The following ANKRD33B variants were observed in gnomAD, a reference collection of about 807,000 sequenced individuals.
ANKRD33B encodes the protein ankyrin repeat domain 33B, also known as ankyrin repeat domain-containing protein 33B.
ANKRD33B carries 6 observed loss-of-function variants against 21.5 expected under a neutral mutation model. The observed-to-expected ratio is 0.28, with a 90% CI of 0.15 to 0.55. The LOEUF (loss-of-function observed/expected upper bound fraction) is 0.55, where lower values mean the gene tolerates loss of function less well. Ranked by LOEUF, ANKRD33B falls within the 20% of genes least tolerant of loss-of-function variation. ANKRD33B has a pLI of 0.94. For missense variants in ANKRD33B, 698 were observed against 747.2 expected (o/e 0.93, Z 0.77); for synonymous variants, 347 against 342.4 (o/e 1.01, Z -0.15).
At chr5:10,579,047 C>G (rs543177070) in intron 1 of ANKRD33B, among the ~76,000 whole-genome samples, 1 of 151,882 alleles carries the variant, frequency 6.6e-6, no homozygotes, top group Non-Finnish European at 1.5e-5. Flanking sequence ...ACCTGTAATC[C>G]CAACCACACA....
At chr5:10,565,923 G>T (rs1418414185) in intron 1 of ANKRD33B, among the ~76,000 whole-genome samples, 1 of 152,192 alleles carries the variant, frequency 6.6e-6, no homozygotes, top group African/African-American at 2.4e-5. Flanking sequence ...TTGGGGACCC[G>T]GGTGACCTTG....
chr5:10,598,896 A>G (rs997755814), intron 1 of ANKRD33B, among the ~76,000 whole-genome samples: 4 of 152,230 alleles, frequency 2.6e-5, no homozygotes, highest in African/African-American at 9.6e-5. Flanking sequence ...TAAAGAAAAA[A>G]TAAAAAAATA....
At chr5:10,582,393 C>T (rs191665440) in intron 1 of ANKRD33B, among the ~76,000 whole-genome samples, 46 of 152,182 alleles carry the variant, frequency 3.0e-4, no homozygotes, top group African/African-American at 9.9e-4. Flanking sequence ...ATTTCCCAAG[C>T]GGGGGGGATG....
rs1008339241 is a variant in ANKRD33B, at chr5:10,576,621, A to G, written c.366+11788A>G. The stretch of plus-strand genomic sequence containing the variant: ...TCTAGGCAGAACTAACGAGTAAGTT[A>G]CAGAGAATGTGCTTGTGCTGTAATA... On this transcript the variant is annotated intron_variant, in intron 1 of 3. Coordinates refer to ENST00000296657, the MANE Select transcript of ANKRD33B (RefSeq NM_001164440.2). This position sits in a 1 kb window ranked among gnomAD's most constrained non-coding sequence, Gnocchi z 4.1. 6.6e-6 allele frequency among the ~76,000 whole-genome samples: 1 copy of G among 152,234 alleles called. No homozygotes were observed. The highest frequency in any genetic ancestry group is 2.4e-5 in the African/African-American group (1 of 41,462).
At chr5:10,628,440 C>G (rs530202516) in intron 2 of ANKRD33B, among the ~76,000 whole-genome samples, 7 of 152,136 alleles carry the variant, frequency 4.6e-5, no homozygotes. Context: ...CTTCGGCCTC[C>G]CAAAGTGCTG....
intron 3 of ANKRD33B, among the ~76,000 whole-genome samples, chr5:10,644,789 C>G (rs1737153071): frequency 6.6e-6 from 1 of 152,192 alleles, no homozygotes; most frequent in African/African-American, 2.4e-5. Flanking sequence ...GATGAAAAGT[C>G]AAGCATTCTG....
At chr5:10,605,280 C>T (rs1166218193) in intron 1 of ANKRD33B, among the ~76,000 whole-genome samples, 1 of 152,138 alleles carries the variant, frequency 6.6e-6, no homozygotes, top group Non-Finnish European at 1.5e-5. Context: ...TGGGGCCAGC[C>T]CTGATGCAGC....
intron 1 of ANKRD33B, among the ~76,000 whole-genome samples, chr5:10,604,659 C>T (rs1736005295): frequency 6.6e-6 from 1 of 151,854 alleles, no homozygotes; most frequent in Non-Finnish European, 1.5e-5. Flanking sequence ...TAGTAGATCT[C>T]AATGGCTAAT....
intron 1 of ANKRD33B, among the ~76,000 whole-genome samples, chr5:10,568,229 C>G (rs1483035573): frequency 6.6e-6 from 1 of 152,180 alleles, no homozygotes; most frequent in Non-Finnish European, 1.5e-5. Flanking sequence ...GATAATTGCC[C>G]AATAACATTC....
Position 10,655,832 on chromosome 5 carries a change from T to G in ANKRD33B, c.*5719T>G, listed in dbSNP as rs1269487966. 1.3e-5 allele frequency: 2 copies of G among 152,374 alleles called. No individual in the cohort carries two copies. Among genetic ancestry groups the G allele is most frequent in the Non-Finnish European group, 2.9e-5 (2 of 68,092 alleles). The allele number at this position is 152,374 out of a possible 1,614,324, so 9.4% of individuals were successfully genotyped here. A position where few individuals can be genotyped will look rare whatever the true frequency, so the allele number is the denominator to read the frequency against. On this transcript the variant is annotated 3_prime_UTR_variant, in exon 4 of 4. Coordinates refer to ENST00000296657, the MANE Select transcript of ANKRD33B (RefSeq NM_001164440.2). ...TTTGGAAACACCTGGGGGCCCTGTT[T>G]CTTCCAGCCTGGTCCTTGGTTTCTA...
At chr5:10,621,241 T>C (rs889846708) in intron 2 of ANKRD33B, among the ~76,000 whole-genome samples, 1 of 152,240 alleles carries the variant, frequency 6.6e-6, no homozygotes, top group African/African-American at 2.4e-5. Context: ...ACCAGCTGTA[T>C]CTTCAAGGAA....
rs1484140810 is a variant in ANKRD33B, at chr5:10,564,484, G to A, written c.17G>A (p.Gly6Glu). 6.7e-7 allele frequency: 1 copy of A among 1,494,390 alleles called. No homozygotes were observed. Among genetic ancestry groups the A allele is most frequent in the Admixed American group, 2.0e-5 (1 of 49,232 alleles). The allele number at this position is 1,494,390 out of a possible 1,614,324, so 92.6% of individuals were successfully genotyped here. A position where few individuals can be genotyped will look rare whatever the true frequency, so the allele number is the denominator to read the frequency against. Reference protein sequence around the residue: MVLLAGTGPEGGGARC... With the variant: MVLLAETGPEGGGARC... ...GCCGCCGGCATGGTGCTGCTGGCCGGGACCGGGCCGGAGGGCGGCGGGGCG... is the reference window on the plus strand; with the variant it reads ...GCCGCCGGCATGGTGCTGCTGGCCGAGACCGGGCCGGAGGGCGGCGGGGCG... The change falls in exon 1 of 4, where the codon GGG (glycine) becomes GAG (glutamate). Residue 6 changes from glycine to glutamate, a missense_variant. By Grantham distance (98) the Gly-to-Glu change is moderately conservative. Transcript: ENST00000296657.
chr5:10,583,357 T>C (rs1339896510), intron 1 of ANKRD33B, among the ~76,000 whole-genome samples: 24 of 152,264 alleles, frequency 1.6e-4, no homozygotes, highest in Non-Finnish European at 2.9e-5. Flanking sequence ...TTACATATAC[T>C]ATTTTGAAAA....
In ANKRD33B at chr5:10,650,072, CAGA is replaced by C. The variant is rs1308986969; in HGVS notation, c.1447_1449del (p.Lys483del). 7 of 1,529,814 alleles carry C rather than the reference CAGA, an allele frequency of 4.6e-6. No individual in the cohort carries two copies. Among genetic ancestry groups the C allele is most frequent in the African/African-American group, 1.4e-5 (1 of 72,376 alleles). 94.8% of individuals were successfully genotyped at this position (1,529,814 alleles called of 1,614,324 possible). A position where few individuals can be genotyped will look rare whatever the true frequency, so the allele number is the denominator to read the frequency against. ...CGAAAAGAAGCGCCAGGCCGAGGCG[CAGA>C]AGGAGAGGCGCACTGCGCCCTGGAA... On this transcript the variant is annotated inframe_deletion, in exon 4 of 4. Transcript: ENST00000296657.
rs538090804 is a variant in ANKRD33B at position 10,657,646 on chromosome 5, TTAA to T, written c.*7538_*7540del. 5.2e-3 allele frequency: 791 copies of T among 152,462 alleles called. 6 individuals carry two copies. Among genetic ancestry groups the T allele is most frequent in the African/African-American group, 0.018 (751 of 41,554 alleles). The allele number at this position is 152,462 out of a possible 1,614,324, so 9.4% of individuals were successfully genotyped here. ...GCTTCAATTTTTGATATTCAAAAAG[TTAA>T]TAATCTTTAAGCTAAATATAATGTG... On this transcript the variant is annotated 3_prime_UTR_variant, in exon 4 of 4. Transcript: ENST00000296657.
At chr5:10,607,417 C>T (rs1246753584) in intron 1 of ANKRD33B, among the ~76,000 whole-genome samples, 1 of 152,182 alleles carries the variant, frequency 6.6e-6, no homozygotes, top group Admixed American at 6.5e-5. Flanking sequence ...GAAACTTCCT[C>T]CTGGAAGTGA....
chr5:10,579,203 T>A (rs1366308277), intron 1 of ANKRD33B, among the ~76,000 whole-genome samples: 1 of 151,114 alleles, frequency 6.6e-6, no homozygotes. Flanking sequence ...CTTTTTTTTT[T>A]AATTCCCCAG....
chr5:10,613,632 G>A (rs1221387126), intron 1 of ANKRD33B, among the ~76,000 whole-genome samples: 2 of 152,098 alleles, frequency 1.3e-5, no homozygotes, highest in Non-Finnish European at 2.9e-5. Context: ...CATATGGGGT[G>A]GCTCACGCCT....
intron 3 of ANKRD33B, among the ~76,000 whole-genome samples, chr5:10,638,675 G>T (rs898018364): frequency 1.3e-5 from 2 of 152,074 alleles, no homozygotes; most frequent in African/African-American, 2.4e-5. Flanking sequence ...AACGTTGGGA[G>T]GTGACGTGGA....
Sources: gnomAD v4.1 joint callset for allele counts (sites outside exome capture counted in the v4.1 genomes callset) on GRCh38, gnomAD v4.1.1 for gene constraint, Gnocchi (gnomAD v3.1) non-coding constraint, MANE v1.5 for transcripts, NCBI Gene and HGNC (gene_info 2026-07-23, HGNC 2026-07-21) for gene names.